Variants in PHKA2 observed in about 807,000 individuals in gnomAD.
PHKA2 encodes the protein phosphorylase b kinase regulatory subunit alpha, liver isoform.
PHKA2 carries 31 observed loss-of-function variants against 102.0 expected under a neutral mutation model. The ratio of observed to expected loss-of-function variants is 0.30; its 90% CI spans 0.23 to 0.41. The LOEUF is 0.41. PHKA2 is among the 10% of genes least tolerant of loss of function. The probability of loss-of-function intolerance (pLI) is 1.00; values close to 1 mark genes in which losing one functional copy is unlikely to be tolerated. For synonymous variants in PHKA2, 455 were observed against 416.2 expected (o/e 1.09, Z -1.13); for missense variants, 858 against 1,023.1 (o/e 0.84, Z 2.20).
intron 19 of PHKA2, 103 bp downstream of exon 19, chrX:18,918,578 G>T (rs2048059457): frequency 2.6e-6 from 2 of 767,892 alleles, no homozygotes; most frequent in East Asian, 3.2e-5. Context: ...CACGTGGGGG[G>T]CATTTTGTTG....
chrX:18,957,486 T>A (rs1175945074), intron 1 of PHKA2, among the ~76,000 whole-genome samples: 1 of 111,626 alleles, frequency 9.0e-6, no homozygotes, highest in East Asian at 2.8e-4. Context: ...AAGCCAAGCC[T>A]ATGGTTTCAG....
intron 26 of PHKA2, among the ~76,000 whole-genome samples, chrX:18,905,020 C>T (rs191119690): frequency 4.5e-5 from 5 of 111,468 alleles, no homozygotes; most frequent in African/African-American, 1.6e-4. Context: ...TAAGTTAGCT[C>T]GAGCATGCTG....
chrX:18,970,547 T>C (rs771098344), intron 1 of PHKA2, among the ~76,000 whole-genome samples: 5 of 112,514 alleles, frequency 4.4e-5, no homozygotes, highest in African/African-American at 1.6e-4. Flanking sequence ...CATTTCCAAA[T>C]TGAAGAACAG....
chrX:18,899,323 A>AAGC (rs1327781553), intron 28 of PHKA2, 97 bp from the exon 29 acceptor site: 3 of 724,143 alleles, frequency 4.1e-6, no homozygotes, highest in Non-Finnish European at 6.5e-6. Flanking sequence ...CACCCACAGA[A>AAGC]AGCAGCAGCA....
intron 25 of PHKA2, 115 bp downstream of exon 25, chrX:18,906,380 G>A (rs2047810894): frequency 9.4e-6 from 9 of 957,912 alleles, no homozygotes; most frequent in Non-Finnish European, 1.3e-5. Context: ...GCTTGCCACA[G>A]GCTTGGATGC....
chrX:18,963,620 T>C (rs2048899464), intron 1 of PHKA2, among the ~76,000 whole-genome samples: 2 of 112,034 alleles, frequency 1.8e-5, no homozygotes. Context: ...CATTTACAAC[T>C]GAAAGAATCC....
intron 2 of PHKA2, among the ~76,000 whole-genome samples, chrX:18,952,835 G>A (rs1401612641): frequency 8.9e-6 from 1 of 112,506 alleles, no homozygotes; most frequent in Non-Finnish European, 1.9e-5. Context: ...TTCTGTAAGT[G>A]TAGTACTCTG....
intron 1 of PHKA2, among the ~76,000 whole-genome samples, chrX:18,971,327 G>A (rs1397045944): frequency 1.8e-5 from 2 of 112,171 alleles, no homozygotes; most frequent in Admixed American, 9.5e-5. Context: ...GTGAAGTTGA[G>A]CCATCTTTTA....
chrX:18,956,620 C>T (rs2048779059), intron 1 of PHKA2, among the ~76,000 whole-genome samples: 2 of 112,570 alleles, frequency 1.8e-5, no homozygotes, highest in Admixed American at 1.9e-4. Flanking sequence ...TCACCCAAAG[C>T]TATACTGTCT....
At chrX:18,973,597 C>G (rs1209531194) in intron 1 of PHKA2, among the ~76,000 whole-genome samples, 3 of 111,952 alleles carry the variant, frequency 2.7e-5, no homozygotes, top group Non-Finnish European at 5.6e-5. Flanking sequence ...GTTTGACTAT[C>G]ATGGGGTATT....
intron 2 of PHKA2, among the ~76,000 whole-genome samples, chrX:18,953,415 A>G (rs1292059420): frequency 3.6e-5 from 4 of 112,034 alleles, no homozygotes; most frequent in African/African-American, 1.3e-4. Flanking sequence ...GTGACCATAA[A>G]TTAATAAGAT....
chrX:18,956,611 C>T (rs1026798420), intron 1 of PHKA2, among the ~76,000 whole-genome samples: 17 of 112,498 alleles, frequency 1.5e-4, no homozygotes, highest in African/African-American at 5.5e-4. Context: ...AGTTCATCCT[C>T]ACCCAAAGCT....
chrX:18,976,188 T>C (rs1439846934), intron 1 of PHKA2, among the ~76,000 whole-genome samples: 7 of 110,370 alleles, frequency 6.3e-5, no homozygotes, highest in Non-Finnish European at 9.5e-5. Context: ...TTGGCCAGGC[T>C]GGTCTCAAAC....
chrX:18,977,081 T>C (rs1316791991), intron 1 of PHKA2, among the ~76,000 whole-genome samples: 2 of 112,490 alleles, frequency 1.8e-5, no homozygotes, highest in East Asian at 5.5e-4. Flanking sequence ...CATACATTTT[T>C]ATTTGGAATG....
At chrX:18,962,412 C>T (rs2048883749) in intron 1 of PHKA2, among the ~76,000 whole-genome samples, 1 of 112,031 alleles carries the variant, frequency 8.9e-6, no homozygotes, top group Non-Finnish European at 1.9e-5. Context: ...TCACATGTTT[C>T]ATAAATTTTT....
Position 18,925,929 on chromosome X carries a change from G to A in PHKA2, c.1460-152C>T, listed in dbSNP as rs144498374. 7.5e-3 allele frequency: 3,550 copies of A among 470,650 alleles called. 69 individuals carry two copies. Among genetic ancestry groups the A allele is most frequent in the African/African-American group, 0.067 (2,783 of 41,405 alleles). 38.8% of individuals were successfully genotyped at this position (470,650 alleles called of 1,213,427 possible). A position where few individuals can be genotyped will look rare whatever the true frequency, so the allele number is the denominator to read the frequency against. ...CTGCCATCATCCTTTAAAATGGCAC[G>A]AAGCTGAATATTAAAACAAATCCCG... On this transcript the variant is annotated intron_variant, in intron 14 of 32. Coordinates refer to ENST00000379942, the MANE Select transcript of PHKA2 (RefSeq NM_000292.3).
rs756350227 is a variant in PHKA2 at position 18,961,263 on chromosome X, A to G, written c.79-6851T>C. ...TAAATCACTATATTTTTACTGATTT[A>G]CAGTCTGAAATATCTTTTCAAAGGT... On this transcript the variant is annotated intron_variant, in intron 1 of 32. Transcript: ENST00000379942. 2.7e-5 allele frequency among the ~76,000 whole-genome samples: 3 copies of G among 112,616 alleles called. No individual in the cohort carries two copies. In the East Asian group the frequency reaches 8.3e-4, roughly 31 times the overall value.
Position 18,929,212 on chromosome X carries a change from A to G in PHKA2, c.1324+16T>C, listed in dbSNP as rs758807707. ...TTTTACAAAGTTAAATATGAACAGT[A>G]AACACGCTCACAAACCTTGTACTAC... On this transcript the variant is annotated intron_variant, in intron 13 of 32. Coordinates refer to ENST00000379942, the MANE Select transcript of PHKA2 (RefSeq NM_000292.3). 9.3e-7 allele frequency: 1 copy of G among 1,073,624 alleles called. No individual in the cohort carries two copies. Among genetic ancestry groups the G allele is most frequent in the South Asian group, 2.0e-5 (1 of 50,854 alleles). 88.5% of individuals were successfully genotyped at this position (1,073,624 alleles called of 1,213,427 possible).
chrX:18,904,229 G>C (rs1018578497), intron 26 of PHKA2, among the ~76,000 whole-genome samples: 2 of 111,943 alleles, frequency 1.8e-5, no homozygotes, highest in Non-Finnish European at 3.8e-5. Flanking sequence ...GAAAACAGAA[G>C]GAGAAGGGTC....
Sources: gnomAD v4.1 joint callset for allele counts (sites outside exome capture counted in the v4.1 genomes callset) on GRCh38, gnomAD v4.1.1 for gene constraint, MANE v1.5 for transcripts, NCBI Gene and HGNC (gene_info 2026-07-23, HGNC 2026-07-21) for gene names.